EPHA7: variants seen among roughly 807,000 people sequenced by gnomAD.
EPHA7 encodes the protein ephrin type-A receptor 7.
A neutral mutation model predicts 112.6 loss-of-function variants in EPHA7; 25 were observed. The observed-to-expected ratio is 0.22, with a 90% CI of 0.16 to 0.31. The LOEUF is 0.31. Ranked by LOEUF, EPHA7 falls within the 10% of genes least tolerant of loss-of-function variation. EPHA7 has a pLI of 1.00. For synonymous variants in EPHA7, 437 were observed against 406.5 expected, an observed-to-expected ratio of 1.07 and a Z score of -0.90; for missense variants, 962 against 1,212.6, an observed-to-expected ratio of 0.79 and a Z score of 3.07.
At chr6:93,358,054 C>T (rs905641189) in intron 4 of EPHA7, among the ~76,000 whole-genome samples, 1 of 151,930 alleles carries the variant, frequency 6.6e-6, no homozygotes, top group Non-Finnish European at 1.5e-5. Context: ...GGAAATAACA[C>T]CAAAGTTGAT....
chr6:93,417,763 T>C (rs946692678), intron 1 of EPHA7, among the ~76,000 whole-genome samples: 1 of 152,070 alleles, frequency 6.6e-6, no homozygotes, highest in Non-Finnish European at 1.5e-5. Context: ...CGTGCGTTTC[T>C]AGCAGATGTC....
chr6:93,388,752 A>G (rs960112626), intron 3 of EPHA7, among the ~76,000 whole-genome samples: 1 of 152,072 alleles, frequency 6.6e-6, no homozygotes, highest in Non-Finnish European at 1.5e-5. Context: ...ACAGGGGGGA[A>G]TAAAACATTT....
In EPHA7 at chr6:93,356,701, T is replaced by C. The variant is rs751680324; in HGVS notation, c.1324+16A>G. 5.7e-5 allele frequency: 90 copies of C among 1,588,866 alleles called. No individual in the cohort carries two copies. Among genetic ancestry groups the C allele is most frequent in the Non-Finnish European group, 7.6e-5 (89 of 1,167,006 alleles). Reference sequence around the variant, plus strand: ...GTCACATTATTTCATTCAGTGAAGATAAACACAAAACATACCTGCTTGACC... The same window carrying C: ...GTCACATTATTTCATTCAGTGAAGACAAACACAAAACATACCTGCTTGACC... On this transcript the variant is annotated intron_variant, in intron 5 of 16. Transcript: ENST00000369303.
At chr6:93,272,616 TTTAAA>T (rs1771282686) in intron 5 of EPHA7, among the ~76,000 whole-genome samples, 194 bp from the exon 6 acceptor site, 1 of 151,878 alleles carries the variant, frequency 6.6e-6, no homozygotes, top group African/African-American at 2.4e-5. Context: ...TTAATAGAAA[TTTAAA>T]TTAAAGTGCA....
intron 5 of EPHA7, among the ~76,000 whole-genome samples, chr6:93,295,516 C>T (rs1008493029): frequency 1.3e-5 from 2 of 151,154 alleles, no homozygotes; most frequent in Admixed American, 6.6e-5. Context: ...TCTAATTATA[C>T]TTAAATACAT....
At chr6:93,291,767 C>CAAAAAAA (rs66483422) in intron 5 of EPHA7, among the ~76,000 whole-genome samples, 25,358 of 71,056 alleles carry the variant, frequency 0.36, 5,861 homozygotes, top group South Asian at 0.57. Context: ...GACTCCGTCT[C>CAAAAAAA]AAAAAAAAAA....
chr6:93,269,555 T>C lies in EPHA7; in HGVS notation c.1555A>G (p.Thr519Ala). ...CTGTAATTTCCATAACCAGCAGCAG[T>C]AAAAGCCCGAATCTGGAAAACATAC... ...TVYVFQIRAFTAAGYGNYSPR... is the reference protein window; with the variant it reads ...TVYVFQIRAFAAAGYGNYSPR... Residue 519 changes from threonine (T) to alanine (A), a missense_variant, in exon 7 of 17, where the codon ACT becomes GCT. This residue lies in a region of EPHA7 where 746 missense variants were observed against 889.2 expected (regional missense o/e 0.84). Coordinates refer to ENST00000369303, the MANE Select transcript of EPHA7 (RefSeq NM_004440.4). 6.2e-7 allele frequency: 1 copy of C among 1,610,988 alleles called. No homozygotes were observed. The highest frequency in any genetic ancestry group is 8.5e-7 in the Non-Finnish European group (1 of 1,178,158).
intron 3 of EPHA7, among the ~76,000 whole-genome samples, chr6:93,360,874 A>G (rs1310301801): frequency 6.6e-6 from 1 of 152,104 alleles, no homozygotes; most frequent in African/African-American, 2.4e-5. Context: ...GCCTTATGCT[A>G]TTCTACCATC....
intron 14 of EPHA7, among the ~76,000 whole-genome samples, chr6:93,253,768 T>G (rs1262248473): frequency 6.6e-6 from 1 of 152,124 alleles, no homozygotes; most frequent in Non-Finnish European, 1.5e-5. Context: ...TGAACCAAGG[T>G]ATCCACCAGA....
At chr6:93,390,226 A>C (rs950439604) in intron 3 of EPHA7, among the ~76,000 whole-genome samples, 4 of 151,716 alleles carry the variant, frequency 2.6e-5, no homozygotes, top group Non-Finnish European at 5.9e-5. Context: ...ATTCTCAAAA[A>C]AAAAATCAGT....
intron 6 of EPHA7, 43 bp from the exon 7 acceptor site, chr6:93,269,703 C>T: frequency 7.1e-7 from 1 of 1,417,698 alleles, no homozygotes; most frequent in Non-Finnish European, 9.4e-7. Flanking sequence ...GTGATTGCAA[C>T]CAGACAATTT....
intron 5 of EPHA7, among the ~76,000 whole-genome samples, chr6:93,319,609 A>C (rs1300899441): frequency 6.6e-6 from 1 of 152,146 alleles, no homozygotes; most frequent in Admixed American, 6.5e-5. Flanking sequence ...AAAATGGTCT[A>C]TGCTTTAAAA....
chr6:93,304,700 G>A (rs1773163662), intron 5 of EPHA7, among the ~76,000 whole-genome samples: 1 of 152,020 alleles, frequency 6.6e-6, no homozygotes, highest in South Asian at 2.1e-4. Context: ...TTCTCCAGTG[G>A]CTTCTCACTT....
chr6:93,411,065 T>C lies in EPHA7; in HGVS notation c.268A>G (p.Ile90Val), dbSNP rs748124897. The change falls in exon 3 of 17, where the codon ATT (isoleucine) becomes GTT (valine). Residue 90 changes from isoleucine (I) to valine (V), a missense_variant. Physicochemically the swap from Ile to Val is conservative, Grantham distance 29. This residue lies in a region of EPHA7 where 160 missense variants were observed against 263.6 expected (regional missense o/e 0.61). Transcript: ENST00000369303. Reference sequence around the variant, plus strand: ...ATCCTTTGTGCATTGCCTTTGGAAATCCAGTTAGTCCGCAGCCAGTTGTTT... The same window carrying C: ...ATCCTTTGTGCATTGCCTTTGGAAACCCAGTTAGTCCGCAGCCAGTTGTTT... ...NQNNWLRTNW[I>V]SKGNAQRIFV... The C allele has an allele frequency of 3.7e-6, 6 of 1,613,856 alleles. No homozygotes were observed. In the African/African-American group the frequency reaches 8.0e-5, roughly 22 times the overall value.
At chr6:93,295,137 G>C (rs761627257) in intron 5 of EPHA7, among the ~76,000 whole-genome samples, 18 of 151,860 alleles carry the variant, frequency 1.2e-4, no homozygotes, top group Admixed American at 8.5e-4. Flanking sequence ...CAACCATTTT[G>C]AACTTTGTGT....
At chr6:93,299,857 G>C (rs1772882553) in intron 5 of EPHA7, among the ~76,000 whole-genome samples, 1 of 152,176 alleles carries the variant, frequency 6.6e-6, no homozygotes, top group African/African-American at 2.4e-5. Flanking sequence ...TTTATCCTTA[G>C]CAAAGTAGCA....
chr6:93,258,336 T>A (rs746842847), intron 10 of EPHA7, 52 bp from the exon 11 acceptor site: 1 of 1,464,856 alleles, frequency 6.8e-7, no homozygotes, highest in East Asian at 2.3e-5. Flanking sequence ...ATTGTAATTT[T>A]CTTTTAAGAG....
At chr6:93,315,987 G>T (rs1773789162) in intron 5 of EPHA7, among the ~76,000 whole-genome samples, 1 of 152,136 alleles carries the variant, frequency 6.6e-6, no homozygotes, top group African/African-American at 2.4e-5. Flanking sequence ...AGAAACTAAA[G>T]TTCCTCTAAG....
chr6:93,417,791 G>T (rs1779315193), intron 1 of EPHA7, among the ~76,000 whole-genome samples: 1 of 152,016 alleles, frequency 6.6e-6, no homozygotes, highest in South Asian at 2.1e-4. Flanking sequence ...CTGCAAACGC[G>T]TAACCGCCAG....
Sources: gnomAD v4.1 joint callset for allele counts (sites outside exome capture counted in the v4.1 genomes callset) on GRCh38, gnomAD v4.1.1 for gene constraint, gnomAD v4.1.1 regional missense constraint, MANE v1.5 for transcripts, NCBI Gene and HGNC (gene_info 2026-07-23, HGNC 2026-07-21) for gene names.